Variants in OXNAD1 observed in about 807,000 individuals in gnomAD.
OXNAD1 encodes the protein oxidoreductase NAD binding domain containing 1.
Under a neutral mutation model 32.9 loss-of-function variants are expected in OXNAD1, and 34 were observed. The ratio of observed to expected loss-of-function variants is 1.03; its 90% CI spans 0.79 to 1.38. The LOEUF (loss-of-function observed/expected upper bound fraction) is 1.38. Ranked by LOEUF, OXNAD1 falls within the 40% of genes most tolerant of loss-of-function variation. OXNAD1 has a pLI of 0.00. For synonymous variants in OXNAD1, 134 were observed against 135.2 expected (o/e 0.99, Z 0.06); for missense variants, 407 against 379.4 (o/e 1.07, Z -0.60).
Position 16,301,757 on chromosome 3 carries a change from G to T in OXNAD1, c.564G>T (p.Leu188=). The change falls in exon 7 of 9, where the codon CTG becomes CTT. Residue 188 remains leucine, a synonymous_variant. Coordinates refer to ENST00000285083, the MANE Select transcript of OXNAD1 (RefSeq NM_138381.5). This position sits in a 1 kb window ranked among gnomAD's most constrained non-coding sequence, Gnocchi z 4.1. The stretch of plus-strand genomic sequence containing the variant: ...GAATTAACCCTCTGCTTTCCATCCT[G>T]CGGCACGCAGCAGATCTCCTCAGAG... ...GVGINPLLSI[L]RHAADLLREQ... The T allele has an allele frequency of 1.9e-6, 3 of 1,614,028 alleles. No individual in the cohort carries two copies. Among genetic ancestry groups the T allele is most frequent in the Non-Finnish European group, 2.5e-6 (3 of 1,179,984 alleles).
At chr3:16,340,187 G>A (rs1175633633), downstream of OXNAD1, among the ~76,000 whole-genome samples, 1 of 152,222 alleles carries the variant, frequency 6.6e-6, no homozygotes, top group African/African-American at 2.4e-5. Flanking sequence ...GGTAGTGCCT[G>A]TTTCTCCATC....
downstream of OXNAD1, among the ~76,000 whole-genome samples, chr3:16,310,686 A>G (rs6442595): frequency 0.24 from 36,006 of 152,000 alleles, 5,962 homozygotes; most frequent in African/African-American, 0.48. Flanking sequence ...AATTGCCAAC[A>G]TTACCATTAG....
downstream of OXNAD1, among the ~76,000 whole-genome samples, chr3:16,350,673 T>C (rs996600223): frequency 6.6e-6 from 1 of 152,156 alleles, no homozygotes; most frequent in Non-Finnish European, 1.5e-5. Context: ...TATGATTTGC[T>C]TTGCAGTGGG....
chr3:16,331,457 T>C (rs2070301907), intron 9 of OXNAD1, among the ~76,000 whole-genome samples: 2 of 152,232 alleles, frequency 1.3e-5, no homozygotes, highest in South Asian at 4.1e-4. Context: ...TATTGCTCAA[T>C]GCTGGGTCAA....
rs185491932 is a variant in OXNAD1, at chr3:16,323,603, G to A, written c.*31-13509G>A. The A allele has an allele frequency of 5.8e-5, 33 of 571,400 alleles. No individual in the cohort carries two copies. The East Asian group carries it at 6.8e-4, about 12-fold the overall frequency. The allele number at this position is 571,400 out of a possible 1,614,324, so 35.4% of individuals were successfully genotyped here. A position where few individuals can be genotyped will look rare whatever the true frequency, so the allele number is the denominator to read the frequency against. On this transcript the variant is annotated intron_variant, in intron 9 of 9. Transcript: ENST00000435829. The stretch of plus-strand genomic sequence containing the variant: ...GAAGAGACGCCTGCTCTACTCTTCC[G>A]CTCCCAGGCCATCCAACCTTGCTTC...
At chr3:16,282,442 C>G (rs1044914067) in intron 4 of OXNAD1, among the ~76,000 whole-genome samples, 1 of 151,698 alleles carries the variant, frequency 6.6e-6, no homozygotes, top group Non-Finnish European at 1.5e-5. Context: ...ACTTAAAGTT[C>G]AAGTTTTTAT....
At chr3:16,276,950 T>C (rs1214462841) in intron 4 of OXNAD1, among the ~76,000 whole-genome samples, 2 of 145,384 alleles carry the variant, frequency 1.4e-5, no homozygotes, top group Non-Finnish European at 1.5e-5. Flanking sequence ...TGAGACAGAG[T>C]CTCTTTCTTG....
chr3:16,328,168 A>T (rs2069923314), intron 9 of OXNAD1, among the ~76,000 whole-genome samples: 1 of 152,270 alleles, frequency 6.6e-6, no homozygotes. Context: ...GCTCTCTGGC[A>T]GGGCCATGGG....
chr3:16,292,618 C>G (rs1251545585), intron 5 of OXNAD1, among the ~76,000 whole-genome samples: 2 of 152,096 alleles, frequency 1.3e-5, no homozygotes, highest in Admixed American at 6.6e-5. Context: ...GCCATGAAGT[C>G]TTACTCCTGT....
In OXNAD1 at chr3:16,312,335, GAGCACTAATCACCAGGGGCCC is replaced by G. The variant is rs1231008098; in HGVS notation, c.*30+8745_*30+8765del. ...GTTTTGGCGGGTCATAGTGCAGGCA[GAGCACTAATCACCAGGGGCCC>G]ACCCTGCACTACTCACGCAGTTGGC... On this transcript the variant is annotated intron_variant, in intron 9 of 9. Transcript: ENST00000435829. This position sits in a 1 kb window ranked among gnomAD's most constrained non-coding sequence, Gnocchi z 4.7. 6.6e-6 allele frequency among the ~76,000 whole-genome samples: 1 copy of G among 152,176 alleles called. No homozygotes were observed. The highest frequency in any genetic ancestry group is 1.9e-4 in the East Asian group (1 of 5,190).
At chr3:16,337,423 A>G (rs869120), downstream of OXNAD1, 55,351 of 152,044 alleles carry the variant, frequency 0.36, 10,857 homozygotes, top group Non-Finnish European at 0.43. The surrounding 1 kb of genome is among the most constrained non-coding windows in gnomAD (Gnocchi z 5.0). Flanking sequence ...GCAAACCTCT[A>G]GGAGGAAAAT....
At chr3:16,279,151 G>A (rs1161197400) in intron 4 of OXNAD1, among the ~76,000 whole-genome samples, 1 of 152,220 alleles carries the variant, frequency 6.6e-6, no homozygotes, top group Non-Finnish European at 1.5e-5. Flanking sequence ...GACGCTCCTG[G>A]CTTCACACTG....
chr3:16,318,268 A>T (rs1239915719), intron 9 of OXNAD1, among the ~76,000 whole-genome samples: 1 of 152,260 alleles, frequency 6.6e-6, no homozygotes, highest in East Asian at 1.9e-4. Context: ...AGTTCCCACC[A>T]TGGCCACTTC....
intron 9 of OXNAD1, among the ~76,000 whole-genome samples, chr3:16,331,716 A>C (rs1179362341): frequency 6.6e-6 from 1 of 152,152 alleles, no homozygotes; most frequent in Non-Finnish European, 1.5e-5. Flanking sequence ...GCTGCTTTTC[A>C]TGCCTGGGTT....
chr3:16,344,227 T>G lies in OXNAD1; in HGVS notation c.*31-4949T>G, dbSNP rs1429942412. ...CTATTACATTTTATTGGGCTGGTTT[T>G]TGTCCAACATTCATATACTAAGAAG... On this transcript the variant is annotated intron_variant, in intron 9 of 9. Coordinates refer to the OXNAD1 transcript ENST00000606098. The surrounding 1 kb of genome is among the most constrained non-coding windows in gnomAD (Gnocchi z 4.4). Among the ~76,000 whole-genome samples, 2 of 152,232 alleles carry G rather than the reference T, an allele frequency of 1.3e-5. No homozygotes were observed. Among genetic ancestry groups the G allele is most frequent in the Admixed American group, 1.3e-4 (2 of 15,286 alleles).
rs1055514846 is a variant in OXNAD1 at position 16,303,030 on chromosome 3, C to T, written c.784+282C>T. Among the ~76,000 whole-genome samples, 34 of 152,200 alleles carry T rather than the reference C, an allele frequency of 2.2e-4. No individual in the cohort carries two copies. Among genetic ancestry groups the T allele is most frequent in the Non-Finnish European group, 4.7e-4 (32 of 68,032 alleles). ...CAAATAATTTATATTCCAGATTTGG[C>T]TGAATTGATTCCATTTGCCATTAAT... On this transcript the variant is annotated intron_variant, in intron 8 of 8. Coordinates refer to ENST00000285083, the MANE Select transcript of OXNAD1 (RefSeq NM_138381.5). This position sits in a 1 kb window ranked among gnomAD's most constrained non-coding sequence, Gnocchi z 4.8.
In OXNAD1 at chr3:16,284,316, CAT is replaced by C. The variant is rs775457771; in HGVS notation, c.184-2025_184-2024del. ...TTTAATTAAGACAATGAAATACAGT[CAT>C]GTGTTGCCTGCTGACGGGGATGTTT... On this transcript the variant is annotated intron_variant, in intron 4 of 8. Coordinates refer to ENST00000285083, the MANE Select transcript of OXNAD1 (RefSeq NM_138381.5). This position sits in a 1 kb window ranked among gnomAD's most constrained non-coding sequence, Gnocchi z 4.1. Among the ~76,000 whole-genome samples the C allele has an allele frequency of 6.6e-6, 1 of 152,196 alleles. No individual in the cohort carries two copies. The highest frequency in any genetic ancestry group is 1.5e-5 in the Non-Finnish European group (1 of 68,042).
chr3:16,286,194 C>T (rs934542276), intron 4 of OXNAD1, 148 bp from the exon 5 acceptor site: 1 of 612,026 alleles, frequency 1.6e-6, no homozygotes, highest in Non-Finnish European at 2.9e-6. Flanking sequence ...GTAGGCTGAA[C>T]TAAAGCAAAG....
Position 16,316,843 on chromosome 3 carries a change from C to A in OXNAD1, c.*30+13251C>A. 1 of 1,613,982 alleles carries A rather than the reference C, an allele frequency of 6.2e-7. No individual in the cohort carries two copies. Among genetic ancestry groups the A allele is most frequent in the East Asian group, 2.2e-5 (1 of 44,880 alleles). The stretch of plus-strand genomic sequence containing the variant: ...TGCCCAAGACTCAGTTTTCTTCAAC[C>A]GTACCAAGCTCTCTGACTTCCTCAG... On this transcript the variant is annotated intron_variant, in intron 9 of 9. Transcript: ENST00000435829. This position sits in a 1 kb window ranked among gnomAD's most constrained non-coding sequence, Gnocchi z 4.5.
Sources: gnomAD v4.1 joint callset for allele counts (sites outside exome capture counted in the v4.1 genomes callset) on GRCh38, gnomAD v4.1.1 for gene constraint, Gnocchi (gnomAD v3.1) non-coding constraint, MANE v1.5 for transcripts, NCBI Gene and HGNC (gene_info 2026-07-23, HGNC 2026-07-21) for gene names.